Variants in ABCC4 observed in about 807,000 individuals in gnomAD.
ABCC4 encodes the protein ATP-binding cassette sub-family C member 4.
A neutral mutation model predicts 168.5 loss-of-function variants in ABCC4; 102 were observed. The observed-to-expected ratio is 0.61, with a 90% CI of 0.52 to 0.71. The LOEUF (loss-of-function observed/expected upper bound fraction) is 0.71, where lower values mean the gene tolerates loss of function less well. Among genes scored for constraint, ABCC4 ranks in the 30% least tolerant of loss-of-function variants. The pLI is 0.00. For synonymous variants in ABCC4, 617 were observed against 590.7 expected (o/e 1.04, Z -0.65); for missense variants, 1,402 against 1,605.8 (o/e 0.87, Z 2.17).
At chr13:95,231,834 A>G (rs908016701) in intron 4 of ABCC4, among the ~76,000 whole-genome samples, 1 of 152,166 alleles carries the variant, frequency 6.6e-6, no homozygotes, top group Non-Finnish European at 1.5e-5. Flanking sequence ...CCCAAAGGCT[A>G]TTTTCCAAAG....
chr13:95,126,720 A>AATATATATATATATAT lies in ABCC4; in HGVS notation c.2456-10735_2456-10720dup, dbSNP rs71111594. Among the ~76,000 whole-genome samples, 99 of 81,650 alleles carry AATATATATATATATAT rather than the reference A, an allele frequency of 1.2e-3. 11 individuals are homozygous for AATATATATATATATAT. The highest frequency in any genetic ancestry group is 6.7e-3 in the East Asian group (18 of 2,684). The allele number at this position is 81,650 out of a possible 152,430, so 53.6% of individuals were successfully genotyped here. A position where few individuals can be genotyped will look rare whatever the true frequency, so the allele number is the denominator to read the frequency against. On this transcript the variant is annotated intron_variant, in intron 19 of 30. Coordinates refer to ENST00000645237, the MANE Select transcript of ABCC4 (RefSeq NM_005845.5). ...ATAAAAATGCATGAACTTTTTTTGG[A>AATATATATATATATAT]ATATATATATATATATATATATATA...
chr13:95,245,349 T>C (rs1437553118), intron 3 of ABCC4, among the ~76,000 whole-genome samples: 1 of 152,244 alleles, frequency 6.6e-6, no homozygotes, highest in Non-Finnish European at 1.5e-5. Flanking sequence ...GCATGAGCCT[T>C]AGACACTTAC....
intron 4 of ABCC4, among the ~76,000 whole-genome samples, chr13:95,233,088 A>G (rs7333234): frequency 0.74 from 111,816 of 151,950 alleles, 42,079 homozygotes; most frequent in Non-Finnish European, 0.83. Context: ...ACTATTCCCT[A>G]AACAGTTATT....
At chr13:95,118,433 G>A (rs909254331) in intron 19 of ABCC4, among the ~76,000 whole-genome samples, 13 of 151,966 alleles carry the variant, frequency 8.6e-5, no homozygotes, top group South Asian at 2.1e-4. Context: ...TAGTAGAGAC[G>A]GGGTTTCACC....
At chr13:95,110,440 T>C (rs906918228) in intron 20 of ABCC4, among the ~76,000 whole-genome samples, 1 of 152,080 alleles carries the variant, frequency 6.6e-6, no homozygotes, top group Non-Finnish European at 1.5e-5. Flanking sequence ...CAGTTGTAAA[T>C]ATAGTCACAA....
At chr13:95,068,725 A>C (rs1053778513) in intron 25 of ABCC4, among the ~76,000 whole-genome samples, 1 of 152,214 alleles carries the variant, frequency 6.6e-6, no homozygotes, top group Non-Finnish European at 1.5e-5. Context: ...AGATGGAACG[A>C]TATCAATGTG....
rs765515924 is a variant in ABCC4 at position 95,164,451 on chromosome 13, T to C, written c.2102A>G (p.Tyr701Cys). ...RSEGKVGFQA[Y>C]KNYFRAGAHW... The stretch of plus-strand genomic sequence containing the variant: ...AGCACCAGCTCTGAAGTAATTCTTA[T>C]AGGCCTGAAAACCAACTTTTCCTTC... The change falls in exon 16 of 31, where the codon TAT becomes TGT. Residue 701 changes from tyrosine (Y) to cysteine (C), a missense_variant. Physicochemically the swap from Tyr to Cys is radical, Grantham distance 194 (BLOSUM62 -2). Coordinates refer to ENST00000645237, the MANE Select transcript of ABCC4 (RefSeq NM_005845.5). The C allele has an allele frequency of 9.9e-6, 16 of 1,614,076 alleles. No homozygotes were observed. Among genetic ancestry groups the C allele is most frequent in the East Asian group, 4.5e-5 (2 of 44,886 alleles).
intron 20 of ABCC4, among the ~76,000 whole-genome samples, chr13:95,113,175 C>T (rs1182622684): frequency 3.9e-5 from 6 of 152,038 alleles, no homozygotes; most frequent in Non-Finnish European, 2.9e-5. Context: ...ATTTCCTTTG[C>T]AAAACAAAAC....
chr13:95,042,303 C>T (rs182886584), intron 29 of ABCC4, among the ~76,000 whole-genome samples: 2 of 152,326 alleles, frequency 1.3e-5, no homozygotes, highest in Non-Finnish European at 2.9e-5. Context: ...AGTCCAGTTG[C>T]TTTACTTTGC....
intron 19 of ABCC4, among the ~76,000 whole-genome samples, chr13:95,151,391 C>T (rs926118329): frequency 1.3e-5 from 2 of 151,004 alleles, no homozygotes; most frequent in African/African-American, 4.9e-5. Flanking sequence ...AAGAGAATTG[C>T]TTGAGCCCAG....
At chr13:95,024,781 T>C (rs2031307638) in intron 30 of ABCC4, among the ~76,000 whole-genome samples, 1 of 152,202 alleles carries the variant, frequency 6.6e-6, no homozygotes, top group African/African-American at 2.4e-5. Context: ...CTGCTTTTAA[T>C]ATAATGGAGT....
chr13:95,114,211 G>A (rs184146474), intron 20 of ABCC4, among the ~76,000 whole-genome samples: 7 of 152,220 alleles, frequency 4.6e-5, no homozygotes, highest in African/African-American at 7.2e-5. Flanking sequence ...GAAGTACAAC[G>A]AGACTAGAAT....
intron 26 of ABCC4, among the ~76,000 whole-genome samples, chr13:95,057,126 A>G (rs1189443): frequency 0.79 from 120,653 of 151,932 alleles, 47,989 homozygotes; most frequent in South Asian, 0.88. Flanking sequence ...TGAACACAAA[A>G]GAAGCATACA....
intron 26 of ABCC4, among the ~76,000 whole-genome samples, chr13:95,058,483 C>T (rs2033146328): frequency 7.3e-6 from 1 of 136,606 alleles, no homozygotes; most frequent in African/African-American, 2.7e-5. Context: ...GCAGGAGAAT[C>T]GCTTGAACCC....
At chr13:95,022,241 A>G (rs558584215) in intron 30 of ABCC4, among the ~76,000 whole-genome samples, 1 of 152,332 alleles carries the variant, frequency 6.6e-6, no homozygotes, top group African/African-American at 2.4e-5. Flanking sequence ...GTGGCCCACA[A>G]TAATGAAAAG....
intron 19 of ABCC4, among the ~76,000 whole-genome samples, chr13:95,140,752 G>A (rs9561789): frequency 2.6e-5 from 4 of 152,276 alleles, no homozygotes; most frequent in East Asian, 1.9e-4. Context: ...GATTTCTATG[G>A]CTAATTTTTT....
At chr13:95,241,728 C>CTT (rs911847264) in intron 3 of ABCC4, among the ~76,000 whole-genome samples, 20 of 152,188 alleles carry the variant, frequency 1.3e-4, no homozygotes, top group African/African-American at 4.3e-4. Flanking sequence ...TTCCTCAACT[C>CTT]TGACAATCGT....
At chr13:95,126,720 AATATATATATATATATATATATAT>A (rs71111594) in intron 19 of ABCC4, among the ~76,000 whole-genome samples, 1 of 81,672 alleles carries the variant, frequency 1.2e-5, no homozygotes, top group Non-Finnish European at 2.2e-5. Flanking sequence ...CTTTTTTTGG[AATATATATATATATATATATATAT>A]ATATATATAT....
At chr13:95,074,132 C>A (rs2139312785) in intron 23 of ABCC4, 82 bp downstream of exon 23, 1 of 1,061,802 alleles carries the variant, frequency 9.4e-7, no homozygotes, top group South Asian at 1.6e-5. Context: ...TAGTAGTAGA[C>A]AAGGTGGCAA....
Sources: gnomAD v4.1 joint callset for allele counts (sites outside exome capture counted in the v4.1 genomes callset) on GRCh38, gnomAD v4.1.1 for gene constraint, MANE v1.5 for transcripts, NCBI Gene and HGNC (gene_info 2026-07-23, HGNC 2026-07-21) for gene names.